The following DCC variants were observed in gnomAD, a reference collection of about 807,000 sequenced individuals.
DCC encodes the protein netrin receptor DCC.
Under a neutral mutation model 172.5 loss-of-function variants are expected in DCC, and 58 were observed. The ratio of observed to expected loss-of-function variants is 0.34; its 90% CI spans 0.27 to 0.42. The LOEUF (loss-of-function observed/expected upper bound fraction) is 0.42. Among genes scored for constraint, DCC ranks in the 10% least tolerant of loss-of-function variants. DCC has a pLI of 1.00. For synonymous variants in DCC, 709 were observed against 644.5 expected (o/e 1.10, Z -1.52); for missense variants, 1,740 against 1,791.0 (o/e 0.97, Z 0.51).
chr18:53,025,161 T>C (rs1373154802), intron 5 of DCC, among the ~76,000 whole-genome samples: 1 of 152,106 alleles, frequency 6.6e-6, no homozygotes, highest in African/African-American at 2.4e-5. Flanking sequence ...TCAAATGATG[T>C]ATGAGGATTT....
chr18:52,579,745 T>C (rs1011327394), intron 1 of DCC, among the ~76,000 whole-genome samples: 2 of 152,176 alleles, frequency 1.3e-5, no homozygotes, highest in Admixed American at 1.3e-4. Flanking sequence ...TATCTGGAAT[T>C]GTCATGAGTC....
chr18:53,511,826 G>C (rs187606397), intron 27 of DCC, among the ~76,000 whole-genome samples: 13 of 151,384 alleles, frequency 8.6e-5, no homozygotes, highest in Admixed American at 5.2e-4. Context: ...ACGGAGTCTC[G>C]CTGATTGCTA....
chr18:53,143,701 G>T (rs1054144199), intron 7 of DCC, among the ~76,000 whole-genome samples: 1 of 152,184 alleles, frequency 6.6e-6, no homozygotes, highest in South Asian at 2.1e-4. Context: ...CTGCAGAATC[G>T]CAAACTACAT....
intron 7 of DCC, among the ~76,000 whole-genome samples, chr18:53,124,938 C>T (rs901837798): frequency 4.0e-5 from 6 of 151,458 alleles, no homozygotes; most frequent in African/African-American, 1.5e-4. Flanking sequence ...CCACTGCACT[C>T]TAGCCTGGGC....
chr18:53,503,675 A>T (rs1356094548), intron 27 of DCC, among the ~76,000 whole-genome samples: 2 of 152,168 alleles, frequency 1.3e-5, no homozygotes, highest in East Asian at 3.8e-4. Flanking sequence ...GATCAGCTGC[A>T]CTTTAAATGA....
In DCC at chr18:53,087,771, A is replaced by T. The variant is rs985287419; in HGVS notation, c.1261+21605A>T. On this transcript the variant is annotated intron_variant, in intron 7 of 28. Coordinates refer to ENST00000442544, the MANE Select transcript of DCC (RefSeq NM_005215.4). ...TAAGTCTTTAATCCATCTTGAATTA[A>T]TTTTTATATAAGGTGTAAGGAAGGG... is the stretch of plus-strand genomic sequence containing the variant. Among the ~76,000 whole-genome samples the T allele has an allele frequency of 2.6e-4, 39 of 152,282 alleles. No individual in the cohort carries two copies. The Middle Eastern group carries it at 0.01, about 40-fold the overall frequency.
intron 12 of DCC, among the ~76,000 whole-genome samples, chr18:53,267,145 TATATAGAGAG>T (rs1365658096): frequency 3.3e-5 from 5 of 150,226 alleles, no homozygotes; most frequent in African/African-American, 1.2e-4. Context: ...TATATATATA[TATATAGAGAG>T]AGAGAGAGAG....
At chr18:53,100,418 T>C (rs930574020) in intron 7 of DCC, among the ~76,000 whole-genome samples, 1 of 152,078 alleles carries the variant, frequency 6.6e-6, no homozygotes, top group African/African-American at 2.4e-5. Context: ...TTTCAAACAC[T>C]ATAATGTTCA....
chr18:52,969,061 G>A (rs2040980633), intron 5 of DCC, among the ~76,000 whole-genome samples: 1 of 151,748 alleles, frequency 6.6e-6, no homozygotes, highest in Non-Finnish European at 1.5e-5. Context: ...TCTTCCTCTA[G>A]TAGCCCATCT....
intron 12 of DCC, among the ~76,000 whole-genome samples, chr18:53,222,376 CTTTTTTCTTTTTTTTTTT>C (rs1411455667): frequency 4.1e-5 from 4 of 98,572 alleles, no homozygotes; most frequent in Admixed American, 1.3e-4. Context: ...TTTTCTTTTT[CTTTTTTCTTTTTTTTTTT>C]TTTTTTTTGA....
At chr18:52,550,675 CA>C (rs2032745307) in intron 1 of DCC, among the ~76,000 whole-genome samples, 1 of 152,088 alleles carries the variant, frequency 6.6e-6, no homozygotes, top group South Asian at 2.1e-4. Context: ...CTGGAATAGA[CA>C]ATACTGCTCA....
chr18:52,844,910 A>T (rs1169746254), intron 2 of DCC, among the ~76,000 whole-genome samples: 1 of 152,238 alleles, frequency 6.6e-6, no homozygotes, highest in Non-Finnish European at 1.5e-5. Flanking sequence ...TGTGCTTTAT[A>T]GTCAGTATAG....
chr18:52,360,098 CATTA>C (rs1198948115), intron 1 of DCC, among the ~76,000 whole-genome samples: 1 of 152,118 alleles, frequency 6.6e-6, no homozygotes, highest in Admixed American at 6.6e-5. Context: ...TTGCAAATCA[CATTA>C]ATTCTTGCAA....
intron 15 of DCC, among the ~76,000 whole-genome samples, chr18:53,362,476 T>C (rs2057958576): frequency 6.6e-6 from 1 of 152,324 alleles, no homozygotes; most frequent in Middle Eastern, 3.4e-3. Context: ...TTAAACGCTG[T>C]GTCCTGCTTT....
chr18:52,983,406 A>G (rs1378301712), intron 5 of DCC, among the ~76,000 whole-genome samples: 1 of 152,200 alleles, frequency 6.6e-6, no homozygotes, highest in Non-Finnish European at 1.5e-5. Context: ...TAATCTACCT[A>G]TCAAATTTTT....
intron 13 of DCC, among the ~76,000 whole-genome samples, chr18:53,319,431 A>T (rs2057382090): frequency 6.6e-6 from 1 of 152,168 alleles, no homozygotes; most frequent in South Asian, 2.1e-4. Flanking sequence ...TACCGAGAAA[A>T]TGGAAAGAAA....
intron 1 of DCC, among the ~76,000 whole-genome samples, chr18:52,541,875 G>GTATGTATATATATATA (rs2032461434): frequency 8.7e-6 from 1 of 115,202 alleles, no homozygotes; most frequent in Non-Finnish European, 1.8e-5. Flanking sequence ...GTGTGTGTGT[G>GTATGTATATATATATA]TATATATATA....
At chr18:52,437,876 C>A (rs1469579320) in intron 1 of DCC, among the ~76,000 whole-genome samples, 1 of 152,128 alleles carries the variant, frequency 6.6e-6, no homozygotes, top group African/African-American at 2.4e-5. Context: ...TACTATGGTG[C>A]CTCCAGAAAT....
intron 1 of DCC, among the ~76,000 whole-genome samples, chr18:52,618,144 C>T (rs1436957211): frequency 1.3e-5 from 2 of 152,080 alleles, no homozygotes; most frequent in Non-Finnish European, 2.9e-5. Flanking sequence ...GAGCAAATAT[C>T]ATCACAGACC....
Sources: gnomAD v4.1 joint callset for allele counts (sites outside exome capture counted in the v4.1 genomes callset) on GRCh38, gnomAD v4.1.1 for gene constraint, MANE v1.5 for transcripts, NCBI Gene and HGNC (gene_info 2026-07-23, HGNC 2026-07-21) for gene names.